TEX14: variants seen among roughly 807,000 people sequenced by gnomAD.
The protein encoded by TEX14 is testis expressed 14, intercellular bridge forming factor.
A neutral mutation model predicts 178.6 loss-of-function variants in TEX14; 168 were observed. The observed-to-expected ratio is 0.94, with a 90% CI of 0.83 to 1.07. The LOEUF is 1.07. TEX14 is among the 50% of genes least tolerant of loss of function. TEX14 has a pLI of 0.00. For missense variants in TEX14, 1,730 were observed against 1,753.6 expected (o/e 0.99, Z 0.24); for synonymous variants, 626 against 634.1 (o/e 0.99, Z 0.19).
chr17:58,631,218 T>C, intron 2 of TEX14: 1 of 849,986 alleles, frequency 1.2e-6, no homozygotes, highest in South Asian at 5.4e-5. Context: ...TGCCAGCTCT[T>C]TGGGAAGCCG....
At chr17:58,687,454 G>A (rs2047621168) in intron 1 of TEX14, among the ~76,000 whole-genome samples, 1 of 152,016 alleles carries the variant, frequency 6.6e-6, no homozygotes, top group African/African-American at 2.4e-5. Flanking sequence ...GTTACAGAGT[G>A]GTGCCCTGAT....
intron 23 of TEX14, 90 bp from the exon 24 acceptor site, chr17:58,572,216 C>A: frequency 1.2e-6 from 1 of 813,690 alleles, no homozygotes; most frequent in Non-Finnish European, 2.0e-6. Flanking sequence ...TTTTTCTGCC[C>A]CAATATGATG....
intron 2 of TEX14, among the ~76,000 whole-genome samples, chr17:58,642,548 A>G (rs1242404724): frequency 2.0e-5 from 3 of 146,498 alleles, no homozygotes; most frequent in African/African-American, 7.7e-5. Context: ...TTTTTTTTTT[A>G]TGGAGTTTCG....
intron 2 of TEX14, among the ~76,000 whole-genome samples, chr17:58,637,518 A>C (rs2046462644): frequency 1.3e-5 from 2 of 152,186 alleles, no homozygotes; most frequent in African/African-American, 4.8e-5. Flanking sequence ...TAGTGATTTA[A>C]TCTACCATAC....
At chr17:58,677,931 C>A (rs1424909958) in intron 1 of TEX14, among the ~76,000 whole-genome samples, 1 of 152,226 alleles carries the variant, frequency 6.6e-6, no homozygotes, top group Non-Finnish European at 1.5e-5. Flanking sequence ...GCAGGCAGAT[C>A]ACGAGGTCAG....
At chr17:58,564,821 A>T in intron 28 of TEX14, 48 bp downstream of exon 28, 1 of 1,207,676 alleles carries the variant, frequency 8.3e-7, no homozygotes, top group Non-Finnish European at 1.2e-6. Flanking sequence ...CCTAACATAA[A>T]CTATACAATT....
intron 1 of TEX14, among the ~76,000 whole-genome samples, chr17:58,681,425 A>G (rs7221142): frequency 0.15 from 22,295 of 152,122 alleles, 2,529 homozygotes; most frequent in East Asian, 0.31. Context: ...CTGACAGTCT[A>G]TCAGTTTTAT....
In TEX14 at chr17:58,557,824, GC is replaced by G. The variant is rs1567985790; in HGVS notation, c.4293del (p.Lys1431AsnfsTer3). On this transcript the variant is annotated frameshift_variant, in exon 31 of 32. Transcript: ENST00000349033. LOFTEE classifies it high-confidence loss of function. ...CTGGATGATTCGGACCAACCTAGTC[GC>G]TTCCAAAAACAGGATTTTAGTTCAT... The part of the protein sequence containing the change: ...EEDELKSCFW[K>X]RLGWSESSRI... 3 of 1,611,398 alleles carry G rather than the reference GC, an allele frequency of 1.9e-6. No homozygotes were observed. Among genetic ancestry groups the G allele is most frequent in the Non-Finnish European group, 1.7e-6 (2 of 1,178,646 alleles).
In TEX14 at chr17:58,570,451, G is replaced by C; in HGVS notation, c.3751C>G (p.Pro1251Ala). 3 of 1,523,860 alleles carry C rather than the reference G, an allele frequency of 2.0e-6. No homozygotes were observed. The highest frequency in any genetic ancestry group is 2.6e-6 in the Non-Finnish European group (3 of 1,148,418). The allele number at this position is 1,523,860 out of a possible 1,614,324, so 94.4% of individuals were successfully genotyped here. Residue 1251 changes from proline (P) to alanine (A), a missense_variant, in exon 25 of 32, where the codon CCC becomes GCC. Transcript: ENST00000349033. ...RLSSFIGAGS[P>A]SLVKACDSSP... ...GAGTCACATGCCTTAACAAGGCTGG[G>C]GGATCCAGCCCCAATAAATGAAGAC... is the stretch of plus-strand genomic sequence containing the variant.
At chr17:58,615,084 G>T in intron 8 of TEX14, 148 bp downstream of exon 8, 1 of 559,888 alleles carries the variant, frequency 1.8e-6, no homozygotes. Flanking sequence ...GCAGCCCTTC[G>T]AAGTCAAGTC....
At chr17:58,675,872 C>T (rs1021771875) in intron 1 of TEX14, among the ~76,000 whole-genome samples, 5 of 152,182 alleles carry the variant, frequency 3.3e-5, no homozygotes, top group African/African-American at 9.7e-5. Context: ...ATTACAAGCA[C>T]GAGCCACTGA....
rs543914259 is a variant in TEX14, at chr17:58,624,054, C to T, written c.252-1042G>A. Among the ~76,000 whole-genome samples, 23 of 152,192 alleles carry T rather than the reference C, an allele frequency of 1.5e-4. 1 individual carries two copies. Among genetic ancestry groups the T allele is most frequent in the African/African-American group, 5.3e-4 (22 of 41,530 alleles). ...ATCCCAGCACTTTGGGAGGCCGAGG[C>T]GGGCAGATCACGAGGTCAGGAGATC... On this transcript the variant is annotated intron_variant, in intron 3 of 31. Transcript: ENST00000349033.
At chr17:58,611,575 A>G (rs980291308) in intron 9 of TEX14, among the ~76,000 whole-genome samples, 3 of 152,168 alleles carry the variant, frequency 2.0e-5, no homozygotes, top group Non-Finnish European at 4.4e-5. Context: ...GCTTCATACC[A>G]CAAAAAATGA....
intron 2 of TEX14, chr17:58,631,549 C>CAA (rs1216295753): frequency 2.0e-5 from 3 of 151,770 alleles, no homozygotes; most frequent in African/African-American, 7.3e-5. Flanking sequence ...ACACATCTCT[C>CAA]AAAACACACA....
intron 1 of TEX14, among the ~76,000 whole-genome samples, chr17:58,690,431 G>T (rs537510389): frequency 1.3e-5 from 2 of 152,312 alleles, no homozygotes; most frequent in African/African-American, 4.8e-5. Flanking sequence ...CTCCCAAAGT[G>T]CTTGGATTCC....
At chr17:58,620,570 T>C (rs1328297532) in intron 5 of TEX14, among the ~76,000 whole-genome samples, 6 of 152,060 alleles carry the variant, frequency 3.9e-5, no homozygotes, top group African/African-American at 1.4e-4. Context: ...CTCGGCTCAC[T>C]GCAACCTCCG....
intron 1 of TEX14, among the ~76,000 whole-genome samples, chr17:58,674,692 G>A (rs2047363326): frequency 6.6e-6 from 1 of 151,488 alleles, no homozygotes; most frequent in South Asian, 2.1e-4. Context: ...GAAACACTAA[G>A]AAGAAAACAT....
chr17:58,602,045 C>T, intron 12 of TEX14, 89 bp from the exon 13 acceptor site: 1 of 1,393,978 alleles, frequency 7.2e-7, no homozygotes, highest in East Asian at 2.3e-5. Context: ...ATCTGATAAA[C>T]TCCCTCTTAT....
chr17:58,613,839 G>C (rs1287012730), intron 8 of TEX14, among the ~76,000 whole-genome samples: 1 of 152,058 alleles, frequency 6.6e-6, no homozygotes, highest in South Asian at 2.1e-4. Context: ...GCTAATTTTT[G>C]TATTTCTAGT....
Sources: gnomAD v4.1 joint callset for allele counts (sites outside exome capture counted in the v4.1 genomes callset) on GRCh38, gnomAD v4.1.1 for gene constraint, MANE v1.5 for transcripts, NCBI Gene and HGNC (gene_info 2026-07-23, HGNC 2026-07-21) for gene names.